The following FAM53B variants were observed in gnomAD, a reference collection of about 807,000 sequenced individuals.
FAM53B encodes the protein protein FAM53B.
Under a neutral mutation model 32.7 loss-of-function variants are expected in FAM53B, and 12 were observed. The observed-to-expected ratio is 0.37, with a 90% CI of 0.24 to 0.59. FAM53B has a LOEUF of 0.59. FAM53B is among the 20% of genes least tolerant of loss of function. The pLI is 0.72. For synonymous variants in FAM53B, 234 were observed against 228.7 expected, an observed-to-expected ratio of 1.02 and a Z score of -0.21; for missense variants, 477 against 577.7, an observed-to-expected ratio of 0.83 and a Z score of 1.79.
At chr10:124,649,517 C>G (rs1949542194) in intron 4 of FAM53B, among the ~76,000 whole-genome samples, 1 of 152,206 alleles carries the variant, frequency 6.6e-6, no homozygotes, top group Non-Finnish European at 1.5e-5. Flanking sequence ...ACATGTCTGC[C>G]CTCCGTCGCA....
intron 1 of FAM53B, among the ~76,000 whole-genome samples, chr10:124,729,979 A>T (rs1169992969): frequency 6.6e-6 from 1 of 152,208 alleles, no homozygotes; most frequent in African/African-American, 2.4e-5. Context: ...GTTCAGCCCA[A>T]TTCCAAGCTA....
At chr10:124,670,059 G>C (rs193022743) in intron 4 of FAM53B, among the ~76,000 whole-genome samples, 26 of 152,260 alleles carry the variant, frequency 1.7e-4, no homozygotes, top group African/African-American at 6.0e-4. Context: ...GAGCCAGGGT[G>C]AGGCTGATGT....
intron 4 of FAM53B, 33 bp downstream of exon 4, chr10:124,681,574 A>G: frequency 6.5e-7 from 1 of 1,529,818 alleles, no homozygotes; most frequent in Non-Finnish European, 8.8e-7. Flanking sequence ...TCCAGTGAGC[A>G]CCAAGGTGAC....
intron 1 of FAM53B, among the ~76,000 whole-genome samples, chr10:124,710,714 T>C (rs866685888): frequency 6.6e-6 from 1 of 152,218 alleles, no homozygotes; most frequent in Non-Finnish European, 1.5e-5. Context: ...TTAACCTATA[T>C]CAAGAATCAC....
chr10:124,715,564 C>A (rs957545866), intron 1 of FAM53B, among the ~76,000 whole-genome samples: 1 of 152,246 alleles, frequency 6.6e-6, no homozygotes, highest in Non-Finnish European at 1.5e-5. Flanking sequence ...GGGGAGCCCC[C>A]CCTCCACGTG....
chr10:124,689,873 G>A (rs927923058), intron 3 of FAM53B, among the ~76,000 whole-genome samples: 2 of 152,208 alleles, frequency 1.3e-5, no homozygotes, highest in Admixed American at 6.5e-5. Flanking sequence ...GGTAGACTAG[G>A]GTCTTGTGAC....
intron 4 of FAM53B, among the ~76,000 whole-genome samples, chr10:124,674,386 C>T (rs1317156853): frequency 6.6e-6 from 1 of 152,242 alleles, no homozygotes; most frequent in Non-Finnish European, 1.5e-5. Flanking sequence ...CCAAGCGCTT[C>T]ATACAAATGA....
intron 4 of FAM53B, among the ~76,000 whole-genome samples, chr10:124,625,483 C>T (rs1338612688): frequency 6.6e-6 from 1 of 152,184 alleles, no homozygotes; most frequent in African/African-American, 2.4e-5. Context: ...AATCCCCTCA[C>T]CACGGCAGAG....
chr10:124,697,493 C>A (rs1341240776), intron 2 of FAM53B, among the ~76,000 whole-genome samples: 2 of 152,094 alleles, frequency 1.3e-5, no homozygotes, highest in Non-Finnish European at 2.9e-5. Context: ...CCCATCCACC[C>A]AATCCAGGGA....
At chr10:124,734,255 T>C (rs537467641) in intron 1 of FAM53B, among the ~76,000 whole-genome samples, 3 of 152,328 alleles carry the variant, frequency 2.0e-5, no homozygotes, top group African/African-American at 7.2e-5. Context: ...CTCCCTAAAA[T>C]CAGACATTCG....
intron 1 of FAM53B, among the ~76,000 whole-genome samples, chr10:124,714,772 A>AAG (rs1420753776): frequency 6.6e-6 from 1 of 151,786 alleles, no homozygotes; most frequent in Non-Finnish European, 1.5e-5. Flanking sequence ...AAAAAAAAAA[A>AAG]AAAAAAAGAA....
intron 3 of FAM53B, among the ~76,000 whole-genome samples, chr10:124,687,832 G>A (rs1319456882): frequency 6.6e-6 from 1 of 152,222 alleles, no homozygotes; most frequent in Admixed American, 6.5e-5. Context: ...GAAAGCAGAT[G>A]ACATGGAGAA....
chr10:124,709,843 G>GAAAA (rs35504510), intron 1 of FAM53B, among the ~76,000 whole-genome samples: 1 of 128,014 alleles, frequency 7.8e-6, no homozygotes, highest in African/African-American at 3.0e-5. Flanking sequence ...CTCAAAAAAA[G>GAAAA]AAAAAAAAAA....
At chr10:124,643,364 CTATTCACGACGCGCAGGTGGCTGA>C (rs1192862538) in intron 4 of FAM53B, among the ~76,000 whole-genome samples, 1 of 152,270 alleles carries the variant, frequency 6.6e-6, no homozygotes, top group Non-Finnish European at 1.5e-5. Context: ...GCAGTTCTCC[CTATTCACGACGCGCAGGTGGCTGA>C]TAAATTTCCC....
chr10:124,698,837 A>G (rs919834930), intron 2 of FAM53B, among the ~76,000 whole-genome samples: 2 of 152,062 alleles, frequency 1.3e-5, no homozygotes, highest in East Asian at 3.9e-4. Context: ...TTCTGTTCCA[A>G]CAACTTCCCA....
intron 4 of FAM53B, among the ~76,000 whole-genome samples, chr10:124,654,581 G>A (rs570939119): frequency 2.8e-4 from 42 of 152,266 alleles, no homozygotes; most frequent in African/African-American, 8.9e-4. Flanking sequence ...TCATCTCCCC[G>A]TGGCCCTCCC....
intron 4 of FAM53B, among the ~76,000 whole-genome samples, chr10:124,661,572 G>A (rs567152715): frequency 2.6e-5 from 4 of 152,272 alleles, no homozygotes; most frequent in African/African-American, 4.8e-5. Flanking sequence ...CCACTGTCCC[G>A]CACTGCGAGG....
rs1438284126 is a variant in FAM53B at position 124,682,272 on chromosome 10, G to A, written c.241C>T (p.Arg81Trp). 9 of 1,613,914 alleles carry A rather than the reference G, an allele frequency of 5.6e-6. No individual in the cohort carries two copies. Among genetic ancestry groups the A allele is most frequent in the Non-Finnish European group, 7.6e-6 (9 of 1,179,960 alleles). The change falls in exon 4 of 5, where the codon CGG becomes TGG. Residue 81 changes from arginine to tryptophan, a missense_variant. Transcript: ENST00000337318. The surrounding 1 kb of genome is among the most constrained non-coding windows in gnomAD (Gnocchi z 5.2). Reference sequence around the variant, plus strand: ...ACAGCGCAGGCGGTCACTGCCTCCCGGTGCCATAGTGAGCTGTCCTTTTCA... The same window carrying A: ...ACAGCGCAGGCGGTCACTGCCTCCCAGTGCCATAGTGAGCTGTCCTTTTCA... ...LPEKDSSLWH[R>W]EAVTACAVTS... is the part of the protein sequence containing the mutation.
chr10:124,734,595 T>C lies in FAM53B; in HGVS notation c.-175+9418A>G, dbSNP rs558043368. On this transcript the variant is annotated intron_variant, in intron 1 of 4. Transcript: ENST00000337318. ...TCAAGGCCACCCATGCCCAGCCACC[T>C]TGGTGGGTCCTCTGGAAAGGACGCT... Among the ~76,000 whole-genome samples, 17 of 152,320 alleles carry C rather than the reference T, an allele frequency of 1.1e-4. No individual in the cohort carries two copies. In the East Asian group the frequency reaches 2.9e-3, roughly 26 times the overall value.
Sources: gnomAD v4.1 joint callset for allele counts (sites outside exome capture counted in the v4.1 genomes callset) on GRCh38, gnomAD v4.1.1 for gene constraint, Gnocchi (gnomAD v3.1) non-coding constraint, MANE v1.5 for transcripts, NCBI Gene and HGNC (gene_info 2026-07-23, HGNC 2026-07-21) for gene names.